Variants in PAK6 observed in about 807,000 individuals in gnomAD.
PAK6 encodes p21 (RAC1) activated kinase 6, also known as serine/threonine-protein kinase PAK 6.
Under a neutral mutation model 60.8 loss-of-function variants are expected in PAK6, and 33 were observed. The observed-to-expected ratio is 0.54, with a 90% CI of 0.41 to 0.73. The LOEUF (loss-of-function observed/expected upper bound fraction) is 0.73. PAK6 is among the 30% of genes least tolerant of loss of function. The pLI is 0.00. For missense variants in PAK6, 845 were observed against 904.1 expected, an observed-to-expected ratio of 0.93 and a Z score of 0.84; for synonymous variants, 404 against 378.5, an observed-to-expected ratio of 1.07 and a Z score of -0.78.
At chr15:40,239,786 T>A in exon 1 of PAK6, 1 of 153,526 alleles carries the variant, frequency 6.5e-6, no homozygotes, top group Non-Finnish European at 1.4e-5. Context: ...TGGATTGGCT[T>A]AGGCTGGCCT....
intron 3 of PAK6, among the ~76,000 whole-genome samples, chr15:40,260,642 C>T (rs1227038761): frequency 6.6e-6 from 1 of 152,158 alleles, no homozygotes; most frequent in African/African-American, 2.4e-5. Context: ...TTTCTGTATA[C>T]ATTTTAGAAT....
intron 10 of PAK6, 83 bp from the exon 11 acceptor site, chr15:40,275,844 T>C: frequency 7.4e-7 from 1 of 1,343,846 alleles, no homozygotes; most frequent in Non-Finnish European, 1.0e-6. Flanking sequence ...TTCATGACTT[T>C]CAAACAATGA....
chr15:40,272,242 C>T, exon 6 of PAK6: 1 of 1,609,260 alleles, frequency 6.2e-7, no homozygotes, highest in African/African-American at 1.3e-5. Context: ...CTCTTTCCGA[C>T]CGCCGCAGAA....
chr15:40,275,984 A>G (rs774970017), exon 11 of PAK6: 13 of 1,613,028 alleles, frequency 8.1e-6, no homozygotes, highest in Non-Finnish European at 1.0e-5. Context: ...CCCCCAAGAG[A>G]GAGCCACAGC....
exon 9 of PAK6, chr15:40,273,568 C>T (rs763046488): frequency 2.4e-5 from 39 of 1,613,890 alleles, no homozygotes; most frequent in Admixed American, 2.3e-4. Context: ...TCTCGGACTT[C>T]GGATTCTGTG....
intron 3 of PAK6, among the ~76,000 whole-genome samples, chr15:40,262,836 AC>A (rs537695495): frequency 8.6e-5 from 13 of 151,344 alleles, no homozygotes; most frequent in African/African-American, 3.2e-4. Context: ...TCTTTCATTA[AC>A]CCCCCTGGCT....
At chr15:40,262,591 T>C (rs970328224) in intron 3 of PAK6, among the ~76,000 whole-genome samples, 1 of 152,182 alleles carries the variant, frequency 6.6e-6, no homozygotes, top group Non-Finnish European at 1.5e-5. Context: ...CCATGATGTA[T>C]ATATGGCGAG....
chr15:40,252,880 G>C (rs1420041032), intron 2 of PAK6: 14 of 1,238,780 alleles, frequency 1.1e-5, no homozygotes, highest in Non-Finnish European at 1.4e-5. Context: ...CCCGCCCGGC[G>C]CGGGGCATTC....
intron 1 of PAK6, 112 bp from the exon 2 acceptor site, chr15:40,240,487 C>T: frequency 2.8e-6 from 1 of 353,238 alleles, no homozygotes; most frequent in South Asian, 2.1e-5. Flanking sequence ...TGTGTGCCCA[C>T]AGTGGCAGGA....
At chr15:40,270,094 C>T (rs2039260328) in intron 5 of PAK6, among the ~76,000 whole-genome samples, 1 of 152,174 alleles carries the variant, frequency 6.6e-6, no homozygotes, top group Non-Finnish European at 1.5e-5. Flanking sequence ...GAGTTAAGTC[C>T]ACACTCAGGC....
chr15:40,257,359 C>A (rs1015834644), intron 3 of PAK6, among the ~76,000 whole-genome samples: 5 of 152,250 alleles, frequency 3.3e-5, no homozygotes, highest in African/African-American at 1.2e-4. Context: ...AGCCTCAGCG[C>A]GTTCTTGTGA....
intron 2 of PAK6, among the ~76,000 whole-genome samples, chr15:40,249,323 CACAA>C (rs1363463575): frequency 6.6e-5 from 10 of 152,058 alleles, no homozygotes; most frequent in Non-Finnish European, 1.3e-4. Flanking sequence ...CTTGGGGGGA[CACAA>C]ACATTCAGTC....
At chr15:40,253,037 C>CG (rs1452537371) in intron 2 of PAK6, 141 bp from the exon 3 acceptor site, 1 of 390,750 alleles carries the variant, frequency 2.6e-6, no homozygotes, top group African/African-American at 2.1e-5. Flanking sequence ...AGGAGCCTGC[C>CG]GCCTCTTGCA....
rs762276597 is a variant in PAK6 at position 40,274,251 on chromosome 15, C to A, written c.1853C>A (p.Pro618Gln). The change falls in exon 10 of 11, where the codon CCA becomes CAA. Residue 618 changes from proline to glutamine, a missense_variant. Pro to Gln is a moderately conservative substitution (Grantham distance 76). Transcript: ENST00000560346. Reference sequence around the variant, plus strand: ...ATGAAGAGGCTCCGGGACAGCCCCCCACCCAAGCTGAAAAACTCTCACAAG... The same window carrying A: ...ATGAAGAGGCTCCGGGACAGCCCCCAACCCAAGCTGAAAAACTCTCACAAG... 1.2e-5 allele frequency: 20 copies of A among 1,609,956 alleles called. No individual in the cohort carries two copies. Among genetic ancestry groups the A allele is most frequent in the Non-Finnish European group, 1.5e-5 (18 of 1,178,070 alleles).
intron 2 of PAK6, chr15:40,252,892 C>A: frequency 8.2e-7 from 1 of 1,219,196 alleles, no homozygotes; most frequent in Non-Finnish European, 1.0e-6. Flanking sequence ...GGGGCATTCG[C>A]GTCCCCGAGA....
chr15:40,261,043 C>A (rs551268322), intron 3 of PAK6, among the ~76,000 whole-genome samples: 2 of 151,878 alleles, frequency 1.3e-5, no homozygotes, highest in Non-Finnish European at 2.9e-5. Context: ...TGCCCACCAC[C>A]ACACCCGGCT....
intron 3 of PAK6, 200 bp from the exon 4 acceptor site, chr15:40,264,581 C>A: frequency 1.6e-6 from 1 of 631,814 alleles, no homozygotes; most frequent in Non-Finnish European, 2.8e-6. Context: ...TTATTTATGG[C>A]ACGTTTGTTG....
At chr15:40,265,431 G>A (rs1450545950) in intron 4 of PAK6, among the ~76,000 whole-genome samples, 1 of 152,178 alleles carries the variant, frequency 6.6e-6, no homozygotes, top group Non-Finnish European at 1.5e-5. Flanking sequence ...TGGAGGCTGC[G>A]AAGCCAGTGT....
chr15:40,272,235 T>C (rs765818613), exon 6 of PAK6: 7 of 1,607,994 alleles, frequency 4.4e-6, no homozygotes, highest in South Asian at 1.1e-5. Context: ...CCAACTCCTC[T>C]TTCCGACCGC....
Sources: allele counts gnomAD v4.1 joint callset (sites outside exome capture counted in the v4.1 genomes callset), GRCh38; gene constraint gnomAD v4.1.1; transcripts MANE v1.5; gene names NCBI Gene and HGNC (gene_info 2026-07-23, HGNC 2026-07-21).